CADM2: variants seen among roughly 807,000 people sequenced by gnomAD.
CADM2 encodes the protein cell adhesion molecule 2.
A neutral mutation model predicts 49.8 loss-of-function variants in CADM2; 12 were observed. That is an observed-to-expected ratio of 0.24 (90% CI 0.15 to 0.39). CADM2 has a LOEUF of 0.39. Among genes scored for constraint, CADM2 ranks in the 10% least tolerant of loss-of-function variants. The probability of loss-of-function intolerance (pLI) is 1.00; values close to 1 mark genes in which losing one functional copy is unlikely to be tolerated. For missense variants in CADM2, 378 were observed against 492.3 expected (o/e 0.77, Z 2.20); for synonymous variants, 214 against 175.4 (o/e 1.22, Z -1.74).
At chr3:85,330,448 C>A (rs1276089660) in intron 1 of CADM2, among the ~76,000 whole-genome samples, 1 of 152,046 alleles carries the variant, frequency 6.6e-6, no homozygotes, top group Non-Finnish European at 1.5e-5. Context: ...AGGGCAGATA[C>A]AGTTTAAATT....
intron 1 of CADM2, among the ~76,000 whole-genome samples, chr3:85,470,620 AT>A (rs1488375088): frequency 3.3e-5 from 5 of 152,182 alleles, no homozygotes; most frequent in Non-Finnish European, 5.9e-5. Flanking sequence ...AATTCTAGCA[AT>A]TAATTATATA....
intron 1 of CADM2, among the ~76,000 whole-genome samples, chr3:85,568,958 A>T (rs1386321550): frequency 1.3e-5 from 2 of 152,136 alleles, no homozygotes; most frequent in African/African-American, 4.8e-5. Flanking sequence ...CATTTTAATC[A>T]AACGTCTCAA....
At chr3:85,945,812 A>G (rs1722607314) in intron 7 of CADM2, among the ~76,000 whole-genome samples, 1 of 152,124 alleles carries the variant, frequency 6.6e-6, no homozygotes, top group Admixed American at 6.6e-5. Flanking sequence ...ACAAAACCAC[A>G]GCCAATATCA....
intron 1 of CADM2, among the ~76,000 whole-genome samples, chr3:85,230,371 C>T (rs1295174895): frequency 6.6e-6 from 1 of 152,078 alleles, no homozygotes; most frequent in Non-Finnish European, 1.5e-5. Context: ...GTTCTTATCC[C>T]CTCCATTAGT....
rs71128113 is a variant in CADM2, at chr3:86,060,224, C to CAA, written c.971-5372_971-5371dup. On this transcript the variant is annotated intron_variant, in intron 8 of 9. Transcript: ENST00000383699. ...TTAACAGATCAAATCGTTTTAATGT[C>CAA]AAAAAAAAAAGGAAAGAGAAAATGG... Among the ~76,000 whole-genome samples the CAA allele has an allele frequency of 3.0e-3, 431 of 144,526 alleles. 2 individuals carry two copies. Among genetic ancestry groups the CAA allele is most frequent in the African/African-American group, 0.01 (410 of 39,770 alleles). 94.8% of individuals were successfully genotyped at this position (144,526 alleles called of 152,430 possible).
At chr3:85,196,578 A>G (rs1443049118) in intron 1 of CADM2, among the ~76,000 whole-genome samples, 1 of 151,996 alleles carries the variant, frequency 6.6e-6, no homozygotes, top group African/African-American at 2.4e-5. Context: ...TAATTGATTG[A>G]TTTATTCTAG....
intron 9 of CADM2, 120 bp downstream of exon 9, chr3:86,065,850 GAA>G: frequency 1.1e-6 from 1 of 919,116 alleles, no homozygotes; most frequent in African/African-American, 1.7e-5. Flanking sequence ...GAGATAGAGA[GAA>G]ATGCTAAATT....
chr3:85,471,782 A>G (rs2038779799), intron 1 of CADM2, among the ~76,000 whole-genome samples: 1 of 150,860 alleles, frequency 6.6e-6, no homozygotes, highest in Non-Finnish European at 1.5e-5. Context: ...GAGACAAAAT[A>G]TCACTGACAG....
chr3:84,980,215 G>A (rs2032087740), intron 1 of CADM2, among the ~76,000 whole-genome samples: 1 of 152,124 alleles, frequency 6.6e-6, no homozygotes. Flanking sequence ...TGCCAACACA[G>A]TTGCTTTCGA....
At chr3:85,754,260 A>G (rs1330042212) in intron 2 of CADM2, among the ~76,000 whole-genome samples, 1 of 152,066 alleles carries the variant, frequency 6.6e-6, no homozygotes, top group East Asian at 1.9e-4. Context: ...AGGTGTTTCT[A>G]TCTATTGGGA....
intron 1 of CADM2, among the ~76,000 whole-genome samples, chr3:85,030,955 G>A (rs2034948723): frequency 1.3e-5 from 2 of 152,150 alleles, no homozygotes; most frequent in South Asian, 2.1e-4. Context: ...ACAGAGAGGT[G>A]GGGACGATGT....
At chr3:85,906,716 G>T (rs1329221347) in intron 5 of CADM2, among the ~76,000 whole-genome samples, 1 of 152,182 alleles carries the variant, frequency 6.6e-6, no homozygotes, top group Non-Finnish European at 1.5e-5. Flanking sequence ...GTGCACAAAT[G>T]AATGTGGTTA....
chr3:85,757,670 G>C (rs2069186538), intron 2 of CADM2, among the ~76,000 whole-genome samples: 1 of 152,132 alleles, frequency 6.6e-6, no homozygotes, highest in Non-Finnish European at 1.5e-5. Flanking sequence ...ATGCAGTTGA[G>C]AAGAAACATA....
chr3:86,004,479 C>T (rs927440791), intron 8 of CADM2, among the ~76,000 whole-genome samples: 2 of 152,164 alleles, frequency 1.3e-5, no homozygotes, highest in Admixed American at 6.5e-5. Context: ...ACAGTGAGGG[C>T]GCCAAACTCT....
Position 85,517,768 on chromosome 3 carries a change from AC to A in CADM2, c.62-208750del, listed in dbSNP as rs548814582. Among the ~76,000 whole-genome samples, 25 of 152,290 alleles carry A rather than the reference AC, an allele frequency of 1.6e-4. No individual in the cohort carries two copies. In the South Asian group the frequency reaches 5.2e-3, roughly 32 times the overall value. On this transcript the variant is annotated intron_variant, in intron 1 of 9. Transcript: ENST00000383699. The stretch of plus-strand genomic sequence containing the variant: ...AGAAAGCAGCTTATTTAGTACTTAT[AC>A]CCCATTTCCAAATAGTGGGCAGAAT...
chr3:85,470,386 C>T (rs1414535037), intron 1 of CADM2, among the ~76,000 whole-genome samples: 1 of 152,088 alleles, frequency 6.6e-6, no homozygotes, highest in Non-Finnish European at 1.5e-5. Flanking sequence ...CTTAAAGACA[C>T]TTAAGTCTAT....
intron 1 of CADM2, among the ~76,000 whole-genome samples, chr3:85,172,194 A>C (rs1005738118): frequency 6.6e-6 from 1 of 152,200 alleles, no homozygotes; most frequent in Non-Finnish European, 1.5e-5. Flanking sequence ...GATGGCAGTC[A>C]TGGGTGAGCC....
chr3:85,734,788 C>T, intron 2 of CADM2, among the ~76,000 whole-genome samples: 1 of 148,804 alleles, frequency 6.7e-6, no homozygotes, highest in Non-Finnish European at 1.5e-5. Flanking sequence ...CCATATGTCT[C>T]TTTCTTTTTC....
rs191791997 is a variant in CADM2 at position 85,346,266 on chromosome 3, T to C, written c.62-380256T>C. 1.3e-3 allele frequency among the ~76,000 whole-genome samples: 194 copies of C among 152,308 alleles called. 2 individuals are homozygous for C. The highest frequency in any genetic ancestry group is 9.0e-3 in the Admixed American group (138 of 15,296). The stretch of plus-strand genomic sequence containing the variant: ...AAGTTGCCATGAAATTTTCACACCA[T>C]TGTTTGAATTTGTTTTAAATAACTT... On this transcript the variant is annotated intron_variant, in intron 1 of 9. Transcript: ENST00000383699.
Sources: gnomAD v4.1 joint callset for allele counts (sites outside exome capture counted in the v4.1 genomes callset) on GRCh38, gnomAD v4.1.1 for gene constraint, MANE v1.5 for transcripts, NCBI Gene and HGNC (gene_info 2026-07-23, HGNC 2026-07-21) for gene names.